GPC5: variants seen among roughly 807,000 people sequenced by gnomAD.
The protein encoded by GPC5 is glypican 5.
Under a neutral mutation model 53.9 loss-of-function variants are expected in GPC5, and 47 were observed. That is an observed-to-expected ratio of 0.87 (90% CI 0.69 to 1.11). The LOEUF is 1.11. Ranked by LOEUF, GPC5 falls within the 50% of genes most tolerant of loss-of-function variation. The pLI, the probability that GPC5 is intolerant of heterozygous loss-of-function variation, is 0.00. For missense variants in GPC5, 748 were observed against 713.1 expected (o/e 1.05, Z -0.56); for synonymous variants, 286 against 263.3 (o/e 1.09, Z -0.84).
At chr13:92,178,842 G>C (rs1484141407) in intron 7 of GPC5, among the ~76,000 whole-genome samples, 1 of 152,008 alleles carries the variant, frequency 6.6e-6, no homozygotes, top group Non-Finnish European at 1.5e-5. Flanking sequence ...CAGGTGTGGT[G>C]GCCCTGTAGT....
chr13:91,494,874 T>G (rs1020934435), intron 2 of GPC5, among the ~76,000 whole-genome samples: 3 of 152,220 alleles, frequency 2.0e-5, no homozygotes, highest in African/African-American at 7.2e-5. Context: ...TCTTACTTAT[T>G]TTCTTCTTTT....
chr13:92,450,752 G>A (rs561039488), intron 7 of GPC5, among the ~76,000 whole-genome samples: 2 of 152,282 alleles, frequency 1.3e-5, no homozygotes, highest in South Asian at 2.1e-4. Context: ...ATAAAGCATC[G>A]TGTGGAAGAG....
chr13:92,246,380 C>T (rs1929186), intron 7 of GPC5, among the ~76,000 whole-genome samples: 85,637 of 151,844 alleles, frequency 0.56, 24,401 homozygotes, highest in South Asian at 0.65. Flanking sequence ...TCTACTTATA[C>T]CAGTGAGAAA....
At chr13:91,642,634 A>G (rs563552300) in intron 2 of GPC5, among the ~76,000 whole-genome samples, 1 of 152,138 alleles carries the variant, frequency 6.6e-6, no homozygotes, top group South Asian at 2.1e-4. Context: ...AGAATAATGG[A>G]AGTGAAAACC....
At chr13:92,449,735 T>G (rs9561050) in intron 7 of GPC5, among the ~76,000 whole-genome samples, 23,236 of 152,036 alleles carry the variant, frequency 0.15, 2,195 homozygotes, top group East Asian at 0.46. Context: ...AATGATGGAA[T>G]TCTGACTTGA....
intron 7 of GPC5, among the ~76,000 whole-genome samples, chr13:92,847,627 CT>C (rs75149719): frequency 1.7e-3 from 249 of 144,602 alleles, no homozygotes; most frequent in Middle Eastern, 7.2e-3. Flanking sequence ...GCCATTAAAC[CT>C]TTTTTTTTTT....
At chr13:92,315,729 AT>A (rs1341300838) in intron 7 of GPC5, among the ~76,000 whole-genome samples, 1 of 152,230 alleles carries the variant, frequency 6.6e-6, no homozygotes, top group African/African-American at 2.4e-5. Context: ...TGAGATATGG[AT>A]TGGAAAAATA....
intron 6 of GPC5, among the ~76,000 whole-genome samples, chr13:91,919,421 C>T (rs1397921666): frequency 6.6e-6 from 1 of 152,234 alleles, no homozygotes; most frequent in East Asian, 1.9e-4. Context: ...CAGCAGAATC[C>T]AATAGAAAAT....
At chr13:92,832,248 A>C (rs1878071047) in intron 7 of GPC5, among the ~76,000 whole-genome samples, 1 of 152,200 alleles carries the variant, frequency 6.6e-6, no homozygotes. Context: ...AAGCTCAAAG[A>C]AACTGTGAGT....
At chr13:92,767,164 C>T (rs139955338) in intron 7 of GPC5, among the ~76,000 whole-genome samples, 72 of 152,176 alleles carry the variant, frequency 4.7e-4, no homozygotes, top group Non-Finnish European at 8.7e-4. Flanking sequence ...TCTCTGTTAA[C>T]GGTGTAAATT....
chr13:92,617,884 G>A (rs56710951), intron 7 of GPC5, among the ~76,000 whole-genome samples: 37,100 of 151,756 alleles, frequency 0.24, 4,669 homozygotes, highest in African/African-American at 0.27. Flanking sequence ...TGTGCACAAC[G>A]TGCAGGTTTG....
At chr13:91,600,629 G>A (rs1016666042) in intron 2 of GPC5, among the ~76,000 whole-genome samples, 4 of 151,536 alleles carry the variant, frequency 2.6e-5, no homozygotes, top group East Asian at 1.9e-4. Context: ...TATTTTTTGA[G>A]ATGGGGTCTC....
chr13:92,712,751 G>T (rs1888181431), intron 7 of GPC5, among the ~76,000 whole-genome samples: 1 of 152,168 alleles, frequency 6.6e-6, no homozygotes, highest in South Asian at 2.1e-4. Context: ...GAGTGTGGCT[G>T]ATTTTTTGAG....
At chr13:92,685,357 AG>A (rs1199334617) in intron 7 of GPC5, among the ~76,000 whole-genome samples, 1 of 151,968 alleles carries the variant, frequency 6.6e-6, no homozygotes, top group Non-Finnish European at 1.5e-5. Context: ...AGCCTCCCAA[AG>A]TACTAGGATT....
intron 5 of GPC5, among the ~76,000 whole-genome samples, chr13:91,865,438 T>C (rs1193640974): frequency 2.0e-5 from 3 of 152,184 alleles, no homozygotes; most frequent in African/African-American, 7.2e-5. Flanking sequence ...TTGGTCTAGC[T>C]AATGCCAACT....
chr13:91,965,537 C>A (rs868553152), intron 6 of GPC5, among the ~76,000 whole-genome samples: 4 of 152,220 alleles, frequency 2.6e-5, no homozygotes, highest in South Asian at 4.1e-4. Context: ...TTGTACATAT[C>A]TTCAGATTCA....
At position 91,403,164 on chromosome 13, in the gene GPC5, G is replaced by T. The variant is rs533821360; in HGVS notation, c.163+3955G>T. 2.7e-4 allele frequency among the ~76,000 whole-genome samples: 41 copies of T among 152,336 alleles called. 1 individual carries two copies. Among genetic ancestry groups the T allele is most frequent in the Admixed American group, 2.2e-3 (34 of 15,298 alleles). On this transcript the variant is annotated intron_variant, in intron 1 of 7. Transcript: ENST00000377067. ...TGTGGGGATCAAATTTCCAAAGCCA[G>T]AATTGGGACCCGTCGTCTGACATTG...
chr13:92,691,102 G>A lies in GPC5; in HGVS notation c.1562-175180G>A, dbSNP rs1302613878. ...AGCTGTGGTGGGCTCCACCCAGTTCGAGCTTCCAGGCTGCTTTGTTTACCT... is the reference window on the plus strand; with the variant it reads ...AGCTGTGGTGGGCTCCACCCAGTTCAAGCTTCCAGGCTGCTTTGTTTACCT... On this transcript the variant is annotated intron_variant, in intron 7 of 7. Transcript: ENST00000377067. Among the ~76,000 whole-genome samples the A allele has an allele frequency of 7.6e-5, 7 of 92,078 alleles. 2 individuals are homozygous for A. Among genetic ancestry groups the A allele is most frequent in the Non-Finnish European group, 1.2e-4 (6 of 49,102 alleles). The allele number at this position is 92,078 out of a possible 152,430, so 60.4% of individuals were successfully genotyped here.
intron 2 of GPC5, among the ~76,000 whole-genome samples, chr13:91,573,422 A>G (rs2032013098): frequency 6.6e-6 from 1 of 152,206 alleles, no homozygotes; most frequent in Admixed American, 6.6e-5. Flanking sequence ...ACTGCTGTCA[A>G]GATTTTTTAA....
Sources: gnomAD v4.1 joint callset for allele counts (sites outside exome capture counted in the v4.1 genomes callset) on GRCh38, gnomAD v4.1.1 for gene constraint, MANE v1.5 for transcripts, NCBI Gene and HGNC (gene_info 2026-07-23, HGNC 2026-07-21) for gene names.